PDE8B: variants seen among roughly 807,000 people sequenced by gnomAD.
The protein encoded by PDE8B is phosphodiesterase 8B, also known as high affinity cAMP-specific and IBMX-insensitive 3',5'-cyclic phosphodiesterase 8B.
Under a neutral mutation model 101.3 loss-of-function variants are expected in PDE8B, and 26 were observed. That is an observed-to-expected ratio of 0.26 (90% CI 0.19 to 0.36). The LOEUF (loss-of-function observed/expected upper bound fraction) is 0.36. Ranked by LOEUF, PDE8B falls within the 10% of genes least tolerant of loss-of-function variation. The pLI is 1.00. For synonymous variants in PDE8B, 424 were observed against 429.3 expected (o/e 0.99, Z 0.15); for missense variants, 810 against 1,163.1 (o/e 0.70, Z 4.42).
the PDE8B span, among the ~76,000 whole-genome samples, chr5:77,136,545 TG>T: frequency 3.9e-5 from 6 of 152,194 alleles, no homozygotes; most frequent in African/African-American, 1.4e-4. Context: ...ATTTTGAGTC[TG>T]GGGGTGACCT....
At chr5:77,097,707 C>CTATATATA in the PDE8B span, among the ~76,000 whole-genome samples, 45 of 20,686 alleles carry the variant, frequency 2.2e-3, no homozygotes, top group East Asian at 8.2e-3. Flanking sequence ...ATATATATAT[C>CTATATATA]TATATATATA....
chr5:77,103,288 A>G, the PDE8B span, among the ~76,000 whole-genome samples: 1 of 152,244 alleles, frequency 6.6e-6, no homozygotes. Context: ...ATTCAAGGCC[A>G]TATTAACATT....
chr5:77,250,460 G>A (rs141549515), intron 1 of PDE8B, among the ~76,000 whole-genome samples: 2 of 152,274 alleles, frequency 1.3e-5, no homozygotes, highest in South Asian at 2.1e-4. Flanking sequence ...GACACTTTTC[G>A]TAAGTGCCAC....
the PDE8B span, among the ~76,000 whole-genome samples, chr5:77,096,250 A>C: frequency 2.6e-5 from 4 of 152,122 alleles, no homozygotes; most frequent in Non-Finnish European, 5.9e-5. Flanking sequence ...CAGCCTCCCA[A>C]AGTGTTGGGA....
chr5:77,388,829 G>A (rs2150895113), intron 10 of PDE8B, among the ~76,000 whole-genome samples: 1 of 152,234 alleles, frequency 6.6e-6, no homozygotes, highest in East Asian at 1.9e-4. Flanking sequence ...GCTGCGGTGG[G>A]CTCCACCCAG....
intron 10 of PDE8B, among the ~76,000 whole-genome samples, chr5:77,364,827 G>A (rs1357063930): frequency 6.6e-6 from 1 of 152,148 alleles, no homozygotes; most frequent in Non-Finnish European, 1.5e-5. Flanking sequence ...ACACAACCCT[G>A]AACTATGGCA....
chr5:77,335,222 C>T (rs1777911379), intron 5 of PDE8B, among the ~76,000 whole-genome samples: 1 of 152,112 alleles, frequency 6.6e-6, no homozygotes, highest in African/African-American at 2.4e-5. Flanking sequence ...CCAGCATTTT[C>T]AAAACATATT....
At chr5:77,204,352 A>G in the PDE8B span, among the ~76,000 whole-genome samples, 28,946 of 150,944 alleles carry the variant, frequency 0.19, 3,590 homozygotes, top group African/African-American at 0.36. Context: ...CGGAGGTTGC[A>G]GTGAGCCGAG....
chr5:77,263,974 C>T (rs1054799770), intron 1 of PDE8B, among the ~76,000 whole-genome samples: 2 of 152,122 alleles, frequency 1.3e-5, no homozygotes, highest in Non-Finnish European at 2.9e-5. Flanking sequence ...AAAACACAAA[C>T]CTACTTTCTA....
At chr5:77,225,733 G>T (rs1446020168) in intron 1 of PDE8B, among the ~76,000 whole-genome samples, 5 of 151,970 alleles carry the variant, frequency 3.3e-5, no homozygotes, top group African/African-American at 1.2e-4. Flanking sequence ...AGGACTACAA[G>T]CCTTTTCTTC....
chr5:77,167,153 C>T, the PDE8B span, among the ~76,000 whole-genome samples: 3 of 152,224 alleles, frequency 2.0e-5, no homozygotes, highest in Admixed American at 6.5e-5. Flanking sequence ...TGACATGGCT[C>T]TAAGTGCCAA....
At chr5:77,355,506 G>T (rs1448587917) in intron 10 of PDE8B, among the ~76,000 whole-genome samples, 2 of 152,128 alleles carry the variant, frequency 1.3e-5, no homozygotes, top group African/African-American at 2.4e-5. Context: ...CGGCCCATGG[G>T]TTTGCATTTT....
chr5:77,424,921 C>T (rs1797675566), intron 20 of PDE8B, among the ~76,000 whole-genome samples: 2 of 151,892 alleles, frequency 1.3e-5, no homozygotes, highest in South Asian at 2.1e-4. Flanking sequence ...AACTCCAGGC[C>T]CCAAGCGAAC....
At chr5:77,206,788 C>A (rs1336754443), upstream of PDE8B, among the ~76,000 whole-genome samples, 2 of 152,140 alleles carry the variant, frequency 1.3e-5, no homozygotes, top group Non-Finnish European at 1.5e-5. Flanking sequence ...GGGATGGAAC[C>A]AGGGAACTGT....
intron 18 of PDE8B, 89 bp from the exon 19 acceptor site, chr5:77,419,678 G>T: frequency 6.8e-7 from 1 of 1,464,478 alleles, no homozygotes. Context: ...CTTCCTCCTA[G>T]GTTGTGAGGA....
At chr5:77,099,554 A>T in the PDE8B span, among the ~76,000 whole-genome samples, 3 of 152,026 alleles carry the variant, frequency 2.0e-5, no homozygotes, top group East Asian at 5.8e-4. Flanking sequence ...AGAGGACAGC[A>T]TTGCTGGGGC....
chr5:77,368,938 C>G (rs6884434), intron 10 of PDE8B, among the ~76,000 whole-genome samples: 3,951 of 151,964 alleles, frequency 0.026, 152 homozygotes, highest in African/African-American at 0.087. Flanking sequence ...CGCAGTGGCT[C>G]ACGCCTGTAA....
chr5:77,240,664 C>G (rs1755594661), intron 1 of PDE8B, among the ~76,000 whole-genome samples: 1 of 152,120 alleles, frequency 6.6e-6, no homozygotes, highest in African/African-American at 2.4e-5. Flanking sequence ...AAGTGTTATA[C>G]CCACACTAAT....
the PDE8B span, chr5:77,145,690 GAA>G: frequency 6.6e-6 from 1 of 152,176 alleles, no homozygotes; most frequent in Non-Finnish European, 1.5e-5. Flanking sequence ...TATGTAAAGG[GAA>G]ATTTACTGGA....
Sources: allele counts gnomAD v4.1 joint callset (sites outside exome capture counted in the v4.1 genomes callset), GRCh38; gene constraint gnomAD v4.1.1; transcripts MANE v1.5; gene names NCBI Gene and HGNC (gene_info 2026-07-23, HGNC 2026-07-21).